Variants in TIMMDC1 observed in about 807,000 individuals in gnomAD.
TIMMDC1 encodes the protein complex I assembly factor TIMMDC1, mitochondrial.
Under a neutral mutation model 32.6 loss-of-function variants are expected in TIMMDC1, and 25 were observed. The observed-to-expected ratio is 0.77, with a 90% confidence interval of 0.56 to 1.07. The LOEUF (loss-of-function observed/expected upper bound fraction) is 1.07. Among genes scored for constraint, TIMMDC1 ranks in the 50% least tolerant of loss-of-function variants. The pLI is 0.00. For synonymous variants in TIMMDC1, 130 were observed against 127.6 expected, an observed-to-expected ratio of 1.02 and a Z score of -0.13; for missense variants, 329 against 349.2, an observed-to-expected ratio of 0.94 and a Z score of 0.46.
intron 6 of TIMMDC1, among the ~76,000 whole-genome samples, chr3:119,519,347 T>C (rs1389168821): frequency 6.6e-6 from 1 of 152,138 alleles, no homozygotes. Flanking sequence ...CTCAACTATA[T>C]ATACTGACTA....
At chr3:119,507,582 A>G (rs1411213344) in intron 4 of TIMMDC1, among the ~76,000 whole-genome samples, 3 of 152,120 alleles carry the variant, frequency 2.0e-5, no homozygotes, top group Non-Finnish European at 4.4e-5. Flanking sequence ...CCCTTAGTGT[A>G]TTAGTCATAG....
intron 4 of TIMMDC1, among the ~76,000 whole-genome samples, chr3:119,508,571 A>G (rs2081933190): frequency 6.6e-6 from 1 of 152,224 alleles, no homozygotes; most frequent in East Asian, 1.9e-4. Flanking sequence ...TGACAAGCTG[A>G]TAAGAAAGCC....
rs987581517 is a variant in TIMMDC1 at position 119,498,674 on chromosome 3, A to C, written c.-60A>C. 27 of 1,537,612 alleles carry C rather than the reference A, an allele frequency of 1.8e-5. No individual in the cohort carries two copies. Among genetic ancestry groups the C allele is most frequent in the Non-Finnish European group, 2.3e-5 (26 of 1,118,612 alleles). ...TCGTACAGTTACGCTCTCCCGCGGC[A>C]CGTCCGCGAGGACTTGAAGTCCTGA... On this transcript the variant is annotated 5_prime_UTR_variant, in exon 1 of 7. Transcript: ENST00000494664.
intron 4 of TIMMDC1, among the ~76,000 whole-genome samples, chr3:119,504,390 A>G (rs1370979226): frequency 2.0e-5 from 3 of 152,190 alleles, no homozygotes; most frequent in African/African-American, 4.8e-5. Context: ...CAAGACTTGC[A>G]AGGAAGGGTG....
At chr3:119,517,396 C>A in intron 6 of TIMMDC1, 81 bp downstream of exon 6, 3 of 819,288 alleles carry the variant, frequency 3.7e-6, no homozygotes, top group Non-Finnish European at 6.3e-6. Context: ...AACTTATGTA[C>A]TCTAAACTGC....
In TIMMDC1 at chr3:119,498,777, CAT is replaced by C. The variant is rs2081843898; in HGVS notation, c.45_46del (p.Leu16ValfsTer20). On this transcript the variant is annotated frameshift_variant, in exon 1 of 7. Transcript: ENST00000494664. LOFTEE classifies it high-confidence loss of function. ...GCACCGCGGAGCTTTCTCTGTAGAG[CAT>C]TGTGCCTATTTCCCCGAGTCTTTGC... 1 of 1,614,098 alleles carries C rather than the reference CAT, an allele frequency of 6.2e-7. No homozygotes were observed. The highest frequency in any genetic ancestry group is 8.5e-7 in the Non-Finnish European group (1 of 1,180,040).
At chr3:119,521,559 A>T (rs1017715784) in intron 6 of TIMMDC1, among the ~76,000 whole-genome samples, 4 of 150,656 alleles carry the variant, frequency 2.7e-5, no homozygotes, top group Non-Finnish European at 5.9e-5. Flanking sequence ...TAGGCACAGT[A>T]GTGCATGCCT....
chr3:119,500,629 T>C (rs765179504), intron 1 of TIMMDC1, 66 bp from the exon 2 acceptor site: 3 of 1,437,924 alleles, frequency 2.1e-6, no homozygotes, highest in Non-Finnish European at 2.8e-6. Context: ...ATTCTGATTA[T>C]AGAGTCTCTT....
intron 6 of TIMMDC1, among the ~76,000 whole-genome samples, chr3:119,520,390 A>G (rs553425364): frequency 6.6e-6 from 1 of 152,244 alleles, no homozygotes; most frequent in South Asian, 2.1e-4. Flanking sequence ...AAGGTAAAAA[A>G]CAAAAAAGGA....
chr3:119,499,121 T>TA (rs2081848676), intron 1 of TIMMDC1, among the ~76,000 whole-genome samples, 194 bp downstream of exon 1: 1 of 146,084 alleles, frequency 6.8e-6, no homozygotes, highest in East Asian at 2.0e-4. Context: ...CCAGACAGGG[T>TA]CTTGCTCTGT....
rs71812615 is a variant in TIMMDC1, at chr3:119,517,979, CT to C, written c.707+680del. Among the ~76,000 whole-genome samples the C allele has an allele frequency of 5.3e-3, 704 of 133,976 alleles. 2 individuals are homozygous for C. The highest frequency in any genetic ancestry group is 7.5e-3 in the African/African-American group (275 of 36,502). The allele number at this position is 133,976 out of a possible 152,430, so 87.9% of individuals were successfully genotyped here. On this transcript the variant is annotated intron_variant, in intron 6 of 6. Coordinates refer to ENST00000494664, the MANE Select transcript of TIMMDC1 (RefSeq NM_016589.4). ...CGGTCTCAAAAAAGAAAAAAAGTGA[CT>C]TTTTTTTTTTTTTTTGCATACATAT...
intron 4 of TIMMDC1, among the ~76,000 whole-genome samples, chr3:119,508,981 A>G (rs936007721): frequency 1.3e-5 from 2 of 152,272 alleles, no homozygotes; most frequent in South Asian, 4.2e-4. Context: ...TGAGGCAGGC[A>G]GATCTCTTGA....
rs764048258 is a variant in TIMMDC1, at chr3:119,509,710, G to T, written c.518-3931G>T. ...AATTTTTTTTTTTTTTTTTGAGACGGAATCTTGCTCTGTCGCTCAGGCTGG... is the reference window on the plus strand; with the variant it reads ...AATTTTTTTTTTTTTTTTTGAGACGTAATCTTGCTCTGTCGCTCAGGCTGG... On this transcript the variant is annotated intron_variant, in intron 4 of 6. Transcript: ENST00000494664. Among the ~76,000 whole-genome samples the T allele has an allele frequency of 5.2e-4, 78 of 149,538 alleles. 1 individual carries two copies. Among genetic ancestry groups the T allele is most frequent in the Non-Finnish European group, 9.0e-4 (61 of 67,556 alleles).
intron 4 of TIMMDC1, among the ~76,000 whole-genome samples, chr3:119,504,317 G>A (rs2081901907): frequency 6.6e-6 from 1 of 152,184 alleles, no homozygotes; most frequent in African/African-American, 2.4e-5. Context: ...TATGGACAGG[G>A]TAGTCAAAGA....
At chr3:119,500,546 A>G (rs766439843) in intron 1 of TIMMDC1, 149 bp from the exon 2 acceptor site, 14 of 649,022 alleles carry the variant, frequency 2.2e-5, no homozygotes, top group East Asian at 1.5e-4. Flanking sequence ...TCCTTTTAAT[A>G]TAACTGAACT....
chr3:119,522,743 G>C (rs2082035269), intron 6 of TIMMDC1, among the ~76,000 whole-genome samples: 1 of 151,896 alleles, frequency 6.6e-6, no homozygotes, highest in South Asian at 2.1e-4. Flanking sequence ...TCATAGTAAT[G>C]AAAGAATACT....
At chr3:119,510,665 T>C (rs1309254192) in intron 4 of TIMMDC1, among the ~76,000 whole-genome samples, 1 of 152,222 alleles carries the variant, frequency 6.6e-6, no homozygotes, top group Non-Finnish European at 1.5e-5. Flanking sequence ...ACATTCGTGG[T>C]TTAAGAATAG....
chr3:119,502,567 A>T (rs1164198466), intron 2 of TIMMDC1, among the ~76,000 whole-genome samples: 2 of 149,954 alleles, frequency 1.3e-5, no homozygotes, highest in Non-Finnish European at 1.5e-5. Context: ...TTTTTTTTTG[A>T]AATTTTTTGA....
chr3:119,512,304 A>C (rs1201190520), intron 4 of TIMMDC1, among the ~76,000 whole-genome samples: 1 of 152,168 alleles, frequency 6.6e-6, no homozygotes, highest in Non-Finnish European at 1.5e-5. Flanking sequence ...TTTTAGACAG[A>C]GTCTTGCTCT....
Sources: gnomAD v4.1 joint callset for allele counts (sites outside exome capture counted in the v4.1 genomes callset) on GRCh38, gnomAD v4.1.1 for gene constraint, MANE v1.5 for transcripts, NCBI Gene and HGNC (gene_info 2026-07-23, HGNC 2026-07-21) for gene names.